PTPRG: variants seen among roughly 807,000 people sequenced by gnomAD.
The protein encoded by PTPRG is protein tyrosine phosphatase receptor type G.
PTPRG carries 102 observed loss-of-function variants against 165.3 expected under a neutral mutation model. The ratio of observed to expected loss-of-function variants is 0.62; its 90% CI spans 0.53 to 0.73. The LOEUF (loss-of-function observed/expected upper bound fraction) is 0.73. Ranked by LOEUF, PTPRG falls within the 30% of genes least tolerant of loss-of-function variation. PTPRG has a pLI of 0.00. For synonymous variants in PTPRG, 675 were observed against 669.5 expected (o/e 1.01, Z -0.13); for missense variants, 1,866 against 1,861.4 (o/e 1.00, Z -0.05).
chr3:62,262,432 G>C (rs1701727291), intron 16 of PTPRG: 1 of 162,128 alleles, frequency 6.2e-6, no homozygotes, highest in Non-Finnish European at 1.3e-5. Context: ...CCTCTGTTCT[G>C]TGCTCCCATC....
chr3:61,631,344 T>A (rs1701770126), intron 1 of PTPRG, among the ~76,000 whole-genome samples: 1 of 152,254 alleles, frequency 6.6e-6, no homozygotes, highest in Non-Finnish European at 1.5e-5. Context: ...GCCTGCATTC[T>A]GAAAATAGGT....
intron 2 of PTPRG, among the ~76,000 whole-genome samples, chr3:61,982,822 C>T (rs2107681428): frequency 6.6e-6 from 1 of 152,190 alleles, no homozygotes; most frequent in South Asian, 2.1e-4. Context: ...CTAAAATAGA[C>T]ACCCTGGGAA....
At chr3:61,861,320 G>A (rs1283598778) in intron 2 of PTPRG, among the ~76,000 whole-genome samples, 2 of 152,058 alleles carry the variant, frequency 1.3e-5, no homozygotes, top group South Asian at 4.1e-4. Context: ...AAAAAAATTG[G>A]CACAGTCACT....
At position 62,142,335 on chromosome 3, in the gene PTPRG, G is replaced by C. The variant is rs60043526; in HGVS notation, c.682+9667G>C. On this transcript the variant is annotated intron_variant, in intron 6 of 29. Transcript: ENST00000474889. ...AAATGAGGATGGTGGTGACTTCTTG[G>C]GGGTGGATGAGAGAGTGACAAGGGG... Among the ~76,000 whole-genome samples the C allele has an allele frequency of 4.8e-3, 730 of 152,138 alleles. 10 individuals carry two copies. The highest frequency in any genetic ancestry group is 0.017 in the African/African-American group (685 of 41,498).
intron 5 of PTPRG, among the ~76,000 whole-genome samples, chr3:62,123,543 T>G (rs1398551221): frequency 2.0e-5 from 3 of 152,134 alleles, no homozygotes; most frequent in African/African-American, 7.2e-5. Flanking sequence ...TCCTCTGAAA[T>G]AAAGCAGGCA....
chr3:61,722,708 G>GA (rs2032102064), intron 1 of PTPRG, among the ~76,000 whole-genome samples: 1 of 152,072 alleles, frequency 6.6e-6, no homozygotes, highest in Admixed American at 6.5e-5. Flanking sequence ...TTTTTGTTAG[G>GA]AAATGAGTAA....
rs1319749175 is a variant in PTPRG, at chr3:61,893,335, C to T, written c.191-96290C>T. Among the ~76,000 whole-genome samples the T allele has an allele frequency of 2.0e-5, 3 of 152,126 alleles. No homozygotes were observed. The East Asian group carries it at 5.8e-4, about 29-fold the overall frequency. On this transcript the variant is annotated intron_variant, in intron 2 of 29. Coordinates refer to ENST00000474889, the MANE Select transcript of PTPRG (RefSeq NM_002841.4). The stretch of plus-strand genomic sequence containing the variant: ...CTTTGGTAATAAGTATAAAAATAGC[C>T]ACTATAAATTGAGCCCCAGGTACTG...
At chr3:61,976,801 G>A (rs1327382305) in intron 2 of PTPRG, among the ~76,000 whole-genome samples, 7 of 151,748 alleles carry the variant, frequency 4.6e-5, no homozygotes, top group Middle Eastern at 3.4e-3. Context: ...TCAGCCTCCC[G>A]AGTAGCTGGG....
In PTPRG at chr3:62,217,120, C is replaced by G. The variant is rs1234875552; in HGVS notation, c.2156-1731C>G. Reference sequence around the variant, plus strand: ...ACTGATGTGTCCCCATCCCCTCGCACCAGGCCTGTGCACAGTAGGGGCTTG... The same window carrying G: ...ACTGATGTGTCCCCATCCCCTCGCAGCAGGCCTGTGCACAGTAGGGGCTTG... On this transcript the variant is annotated intron_variant, in intron 12 of 29. Coordinates refer to ENST00000474889, the MANE Select transcript of PTPRG (RefSeq NM_002841.4). This position sits in a 1 kb window ranked among gnomAD's most constrained non-coding sequence, Gnocchi z 4.3. 6.6e-6 allele frequency among the ~76,000 whole-genome samples: 1 copy of G among 152,220 alleles called. No individual in the cohort carries two copies. The highest frequency in any genetic ancestry group is 1.5e-5 in the Non-Finnish European group (1 of 68,044).
At chr3:61,816,175 A>C (rs1418265785) in intron 2 of PTPRG, among the ~76,000 whole-genome samples, 1 of 152,164 alleles carries the variant, frequency 6.6e-6, no homozygotes, top group Non-Finnish European at 1.5e-5. Flanking sequence ...AACTCCATTC[A>C]AAGTAGGAAT....
intron 1 of PTPRG, among the ~76,000 whole-genome samples, chr3:61,674,758 C>G (rs2107089307): frequency 6.6e-6 from 1 of 152,270 alleles, no homozygotes; most frequent in East Asian, 1.9e-4. Context: ...CTTTCAAACT[C>G]TGGGTGGGAA....
chr3:62,056,048 C>G (rs1267401651), intron 4 of PTPRG, among the ~76,000 whole-genome samples: 1 of 152,230 alleles, frequency 6.6e-6, no homozygotes, highest in African/African-American at 2.4e-5. Context: ...ACATATGACT[C>G]TATAGCCCAA....
chr3:61,991,891 T>C (rs920369745), intron 3 of PTPRG, among the ~76,000 whole-genome samples: 1 of 152,232 alleles, frequency 6.6e-6, no homozygotes, highest in African/African-American at 2.4e-5. Flanking sequence ...TAGGGTTCAC[T>C]CGATGCAAGC....
intron 4 of PTPRG, among the ~76,000 whole-genome samples, chr3:62,053,676 T>C (rs1248567769): frequency 6.6e-6 from 1 of 152,120 alleles, no homozygotes; most frequent in African/African-American, 2.4e-5. Context: ...ACCTGTGGTG[T>C]TGGGGATAAA....
At chr3:61,625,414 A>G (rs1196154361) in intron 1 of PTPRG, among the ~76,000 whole-genome samples, 3 of 152,134 alleles carry the variant, frequency 2.0e-5, no homozygotes, top group African/African-American at 7.2e-5. Flanking sequence ...CATCTCTTAC[A>G]TTTTAAACCC....
intron 4 of PTPRG, among the ~76,000 whole-genome samples, chr3:62,077,497 G>T (rs544566531): frequency 1.3e-5 from 2 of 152,220 alleles, no homozygotes; most frequent in East Asian, 3.9e-4. Context: ...AAAATAATGT[G>T]TGGGTTAGCT....
intron 6 of PTPRG, among the ~76,000 whole-genome samples, chr3:62,153,908 A>G (rs1392801083): frequency 2.0e-5 from 3 of 152,184 alleles, no homozygotes; most frequent in Non-Finnish European, 4.4e-5. Context: ...CAGTGGTTAG[A>G]TGTCAGTTTT....
intron 4 of PTPRG, among the ~76,000 whole-genome samples, chr3:62,050,177 ATACAGT>A (rs1393079036): frequency 2.0e-5 from 3 of 152,322 alleles, no homozygotes; most frequent in Non-Finnish European, 2.9e-5. Flanking sequence ...AATAATAGAA[ATACAGT>A]TACACACCAC....
Position 61,676,461 on chromosome 3 carries a change from A to AAAAAAAAAAAAAAAAAAAAAAG in PTPRG, c.86-72404_86-72403insAAAAAAAAGAAAAAAAAAAAAA, listed in dbSNP as rs1703226656. ...GACAGAGCCAGACTCCATCTCAAAA[A>AAAAAAAAAAAAAAAAAAAAAAG]AAAAAAAAAAAAAGAAAATTACTAA... On this transcript the variant is annotated intron_variant, in intron 1 of 29. Coordinates refer to ENST00000474889, the MANE Select transcript of PTPRG (RefSeq NM_002841.4). Among the ~76,000 whole-genome samples, 5 of 143,518 alleles carry AAAAAAAAAAAAAAAAAAAAAAG rather than the reference A, an allele frequency of 3.5e-5. 1 individual carries two copies. Among genetic ancestry groups the AAAAAAAAAAAAAAAAAAAAAAG allele is most frequent in the Non-Finnish European group, 7.7e-5 (5 of 65,352 alleles). 94.2% of individuals were successfully genotyped at this position (143,518 alleles called of 152,430 possible). A position where few individuals can be genotyped will look rare whatever the true frequency, so the allele number is the denominator to read the frequency against.
Sources: allele counts gnomAD v4.1 joint callset (sites outside exome capture counted in the v4.1 genomes callset), GRCh38; gene constraint gnomAD v4.1.1; non-coding constraint Gnocchi (gnomAD v3.1); transcripts MANE v1.5; gene names NCBI Gene and HGNC (gene_info 2026-07-23, HGNC 2026-07-21).